The following IFT88 variants were observed in gnomAD, a reference collection of about 807,000 sequenced individuals.
IFT88 encodes the protein intraflagellar transport protein 88 homolog.
In IFT88, 74 loss-of-function variants were observed where a neutral mutation model predicts 119.5. That is an observed-to-expected ratio of 0.62 (90% CI 0.51 to 0.75). The LOEUF is 0.75. IFT88 is among the 30% of genes least tolerant of loss of function. The pLI is 0.00. For missense variants in IFT88, 961 were observed against 977.7 expected (o/e 0.98, Z 0.23); for synonymous variants, 279 against 316.7 (o/e 0.88, Z 1.26).
chr13:20,645,202 G>C (rs574445341), intron 20 of IFT88, among the ~76,000 whole-genome samples: 78 of 152,228 alleles, frequency 5.1e-4, no homozygotes, highest in African/African-American at 1.9e-3. Context: ...CGATTCTCCT[G>C]CCTCAGCCTC....
chr13:20,676,557 T>C (rs954250419), intron 24 of IFT88, among the ~76,000 whole-genome samples: 142 of 152,348 alleles, frequency 9.3e-4, no homozygotes, highest in African/African-American at 3.2e-3. Flanking sequence ...AGTTTCTCCC[T>C]AACACAAGAG....
At chr13:20,584,051 A>C (rs2039195209) in intron 3 of IFT88, among the ~76,000 whole-genome samples, 1 of 152,160 alleles carries the variant, frequency 6.6e-6, no homozygotes, top group Non-Finnish European at 1.5e-5. Flanking sequence ...ATGTTTTAAA[A>C]TCAGGAAATG....
chr13:20,582,690 G>A (rs2038938943), intron 2 of IFT88, among the ~76,000 whole-genome samples: 1 of 152,062 alleles, frequency 6.6e-6, no homozygotes, highest in East Asian at 1.9e-4. Flanking sequence ...TTTCAACCCG[G>A]CACTGTGATA....
At chr13:20,683,147 TC>T (rs1231569972) in intron 24 of IFT88, among the ~76,000 whole-genome samples, 1 of 152,160 alleles carries the variant, frequency 6.6e-6, no homozygotes, top group Non-Finnish European at 1.5e-5. Flanking sequence ...TTCTAATTGT[TC>T]AGTAACTAAG....
At chr13:20,656,259 T>C in intron 21 of IFT88, 106 bp from the exon 22 acceptor site, 1 of 420,838 alleles carries the variant, frequency 2.4e-6, no homozygotes, top group Non-Finnish European at 4.3e-6. Flanking sequence ...ATGAAACCTT[T>C]CTATTAAACC....
chr13:20,645,912 AAATT>A (rs2050678674), intron 20 of IFT88, among the ~76,000 whole-genome samples: 1 of 152,210 alleles, frequency 6.6e-6, no homozygotes, highest in South Asian at 2.1e-4. Flanking sequence ...GAGAATTATA[AAATT>A]AATTACCAAG....
intron 15 of IFT88, among the ~76,000 whole-genome samples, chr13:20,629,330 A>C (rs914809633): frequency 1.3e-5 from 2 of 152,208 alleles, no homozygotes; most frequent in Non-Finnish European, 2.9e-5. Flanking sequence ...TAGGATAAGC[A>C]ATATTAGCAG....
At chr13:20,628,908 A>G (rs1190330335) in intron 15 of IFT88, among the ~76,000 whole-genome samples, 5 of 152,188 alleles carry the variant, frequency 3.3e-5, no homozygotes, top group African/African-American at 1.2e-4. Context: ...TACAATGTAT[A>G]TATCAAAATT....
rs1314804176 is a variant in IFT88 at position 20,643,558 on chromosome 13, T to C, written c.1786T>C (p.Tyr596His). Residue 596 changes from tyrosine to histidine, a missense_variant, in exon 19 of 26, where the codon TAT becomes CAT. Transcript: ENST00000351808. ...AGTTTTATCTAAGCTAGGAGAATTA[T>C]ATGATCGTGAAGGAGATAAATCTCA... ...PQVLSKLGEL[Y>H]DREGDKSQAF... 1.2e-6 allele frequency: 2 copies of C among 1,610,492 alleles called. No homozygotes were observed. The highest frequency in any genetic ancestry group is 1.1e-5 in the South Asian group (1 of 90,852).
chr13:20,668,657 G>A (rs192916405), intron 23 of IFT88, among the ~76,000 whole-genome samples: 218 of 152,256 alleles, frequency 1.4e-3, no homozygotes, highest in Middle Eastern at 3.4e-3. Context: ...AAGACAAACC[G>A]GTAGAGTCGG....
chr13:20,625,512 A>C (rs1456236336), intron 14 of IFT88, among the ~76,000 whole-genome samples: 1 of 152,194 alleles, frequency 6.6e-6, no homozygotes, highest in African/African-American at 2.4e-5. Flanking sequence ...GTATCAGTCC[A>C]ATTTTTACTT....
At chr13:20,568,036 C>T (rs756831560) in intron 1 of IFT88, 12 of 712,648 alleles carry the variant, frequency 1.7e-5, no homozygotes, top group South Asian at 1.6e-4. Context: ...AAAAAAGAAT[C>T]TCATAATGCT....
chr13:20,605,576 T>C (rs2043291972), intron 13 of IFT88, among the ~76,000 whole-genome samples: 1 of 152,210 alleles, frequency 6.6e-6, no homozygotes, highest in Non-Finnish European at 1.5e-5. Flanking sequence ...CTTACAACAC[T>C]TCTGACACCA....
chr13:20,598,926 G>A (rs2042173796), intron 10 of IFT88, among the ~76,000 whole-genome samples, 173 bp downstream of exon 10: 1 of 152,048 alleles, frequency 6.6e-6, no homozygotes, highest in Non-Finnish European at 1.5e-5. Context: ...CCTTACAGAT[G>A]AAGAAATATA....
chr13:20,570,356 C>T (rs1192651778), intron 1 of IFT88, among the ~76,000 whole-genome samples: 2 of 152,144 alleles, frequency 1.3e-5, no homozygotes, highest in Non-Finnish European at 1.5e-5. Flanking sequence ...TATGATCCAG[C>T]AATTCCTTTA....
intron 22 of IFT88, 120 bp downstream of exon 22, chr13:20,656,550 C>T (rs189914231): frequency 6.9e-4 from 278 of 400,430 alleles, no homozygotes; most frequent in African/African-American, 5.2e-3. Flanking sequence ...ATTTGTGATA[C>T]ATATTTTAAA....
chr13:20,605,143 A>T (rs2043202504), intron 13 of IFT88, 38 bp downstream of exon 13: 1 of 791,208 alleles, frequency 1.3e-6, no homozygotes, highest in Non-Finnish European at 2.0e-6. Flanking sequence ...TATTAATTAC[A>T]TTATTTAAAA....
chr13:20,604,512 A>C (rs925130793), intron 12 of IFT88, among the ~76,000 whole-genome samples: 8 of 152,180 alleles, frequency 5.3e-5, no homozygotes, highest in African/African-American at 1.9e-4. Context: ...TGATCCTTTT[A>C]TCAGCTTCTT....
At chr13:20,579,273 G>C (rs1018918251) in intron 2 of IFT88, among the ~76,000 whole-genome samples, 16 of 152,202 alleles carry the variant, frequency 1.1e-4, no homozygotes, top group African/African-American at 2.9e-4. Context: ...CAGAGATGCT[G>C]TCTGGGAGCC....
Sources: allele counts gnomAD v4.1 joint callset (sites outside exome capture counted in the v4.1 genomes callset), GRCh38; gene constraint gnomAD v4.1.1; transcripts MANE v1.5; gene names NCBI Gene and HGNC (gene_info 2026-07-23, HGNC 2026-07-21).